Variants in FYCO1 observed in about 807,000 individuals in gnomAD.
FYCO1 encodes FYVE and coiled-coil domain autophagy adaptor 1.
Under a neutral mutation model 165.1 loss-of-function variants are expected in FYCO1, and 122 were observed. The ratio of observed to expected loss-of-function variants is 0.74; its 90% confidence interval spans 0.64 to 0.86. FYCO1 has a LOEUF of 0.86. FYCO1 is among the 40% of genes least tolerant of loss of function. The pLI, the probability that FYCO1 is intolerant of heterozygous loss-of-function variation, is 0.00. For missense variants in FYCO1, 1,702 were observed against 1,810.3 expected (o/e 0.94, Z 1.09); for synonymous variants, 648 against 742.5 (o/e 0.87, Z 2.07).
intron 14 of FYCO1, among the ~76,000 whole-genome samples, chr3:45,944,016 G>A (rs1240301784): frequency 6.6e-6 from 1 of 152,120 alleles, no homozygotes; most frequent in African/African-American, 2.4e-5. Context: ...TCCACCAGCT[G>A]GAGGCCAACT....
chr3:45,964,361 C>T lies in FYCO1; in HGVS notation c.3244G>A (p.Ala1082Thr), dbSNP rs777490184. The T allele has an allele frequency of 3.3e-5, 53 of 1,614,026 alleles. 1 individual carries two copies. Among genetic ancestry groups the T allele is most frequent in the Middle Eastern group, 3.3e-4 (2 of 6,062 alleles). ...AAMLRKDKEG[A>T]ALREDLERTQ... ...CTTTCTAGGTCTTCACGCAGGGCAGCCCCCTCCTTGTCCTTCCTCAGCATG... is the reference window on the plus strand; with the variant it reads ...CTTTCTAGGTCTTCACGCAGGGCAGTCCCCTCCTTGTCCTTCCTCAGCATG... The change falls in exon 10 of 18, where the codon GCT becomes ACT. Residue 1082 changes from alanine (A) to threonine (T), a missense_variant. By Grantham distance (58) the Ala-to-Thr change is moderately conservative (BLOSUM62 0). Coordinates refer to ENST00000296137, the MANE Select transcript of FYCO1 (RefSeq NM_024513.4). This position sits in a 1 kb window ranked among gnomAD's most constrained non-coding sequence, Gnocchi z 4.1.
At chr3:45,943,927 T>A (rs942835130) in intron 14 of FYCO1, among the ~76,000 whole-genome samples, 16 of 152,210 alleles carry the variant, frequency 1.1e-4, no homozygotes, top group Admixed American at 7.9e-4. Flanking sequence ...TTATGTTCTT[T>A]TTTCAATATA....
chr3:45,965,354 G>A (rs770137257), intron 8 of FYCO1, among the ~76,000 whole-genome samples: 2 of 152,238 alleles, frequency 1.3e-5, no homozygotes, highest in Non-Finnish European at 2.9e-5. Flanking sequence ...AAGGGAAAAA[G>A]TTGGCTATAA....
In FYCO1 at chr3:45,979,775, T is replaced by C. The variant is rs776716303; in HGVS notation, c.218A>G (p.Tyr73Cys). 4 of 1,613,856 alleles carry C rather than the reference T, an allele frequency of 2.5e-6. No individual in the cohort carries two copies. Among genetic ancestry groups the C allele is most frequent in the Non-Finnish European group, 3.4e-6 (4 of 1,179,742 alleles). The change falls in exon 4 of 18, where the codon TAC becomes TGC. Residue 73 changes from tyrosine (Y) to cysteine (C), a missense_variant. Tyr to Cys is a radical substitution (Grantham distance 194, BLOSUM62 -2). Coordinates refer to ENST00000296137, the MANE Select transcript of FYCO1 (RefSeq NM_024513.4). Reference protein sequence around the residue: ...LLGNKKDYWDYFCACLAKVKG... With the variant: ...LLGNKKDYWDCFCACLAKVKG... ...CACCTTGGCCAGGCAGGCACAGAAG[T>C]AATCCCAGTAGTCCTTCTTGTTGCC... is the stretch of plus-strand genomic sequence containing the variant.
At chr3:45,955,858 G>T (rs2125834668) in intron 13 of FYCO1, among the ~76,000 whole-genome samples, 1 of 152,228 alleles carries the variant, frequency 6.6e-6, no homozygotes, top group East Asian at 1.9e-4. Flanking sequence ...TGATGCGTGG[G>T]AAAGAACCTC....
chr3:45,968,531 C>T lies in FYCO1; in HGVS notation c.803G>A (p.Ser268Asn), dbSNP rs775608220. The change falls in exon 8 of 18, where the codon AGC becomes AAC. Residue 268 changes from serine to asparagine, a missense_variant. Physicochemically the swap from Ser to Asn is conservative, Grantham distance 46. Transcript: ENST00000296137. ...RENQELRAAV[S>N]QQGEQLQTER... ...TGTCTGCAGTTGCTCCCCTTGCTGG[C>T]TGACAGCTGCCCTCAGCTCCTGGTT... 3.7e-6 allele frequency: 6 copies of T among 1,614,028 alleles called. No homozygotes were observed. The South Asian group carries it at 6.6e-5, about 18-fold the overall frequency.
chr3:45,941,274 A>G (rs1229663660), intron 14 of FYCO1: 2 of 152,230 alleles, frequency 1.3e-5, no homozygotes, highest in Non-Finnish European at 2.9e-5. Context: ...CCTGGAACTG[A>G]TAACAGCTCT....
At chr3:45,988,155 C>A (rs1470183070) in intron 1 of FYCO1, among the ~76,000 whole-genome samples, 1 of 152,194 alleles carries the variant, frequency 6.6e-6, no homozygotes, top group Non-Finnish European at 1.5e-5. Context: ...GTGTGGTGGG[C>A]TTCCCCACTC....
chr3:45,942,964 C>G (rs1704322800), intron 14 of FYCO1, among the ~76,000 whole-genome samples: 1 of 152,158 alleles, frequency 6.6e-6, no homozygotes, highest in Admixed American at 6.5e-5. Flanking sequence ...CAGTTTCTAG[C>G]TGTGTGCACC....
At position 45,967,333 on chromosome 3, in the gene FYCO1, C is replaced by T. The variant is rs1454059413; in HGVS notation, c.2001G>A (p.Gln667=). Residue 667 remains glutamine, a synonymous_variant, in exon 8 of 18, where the codon CAG becomes CAA. Transcript: ENST00000296137. ...QGSLASLEAE[Q]ASIRHLGDQM... The stretch of plus-strand genomic sequence containing the variant: ...GGTCACCCAAGTGCCGGATGCTGGC[C>T]TGCTCGGCCTCCAGGGAGGCCAAGG... 2 of 1,610,734 alleles carry T rather than the reference C, an allele frequency of 1.2e-6. No individual in the cohort carries two copies. The highest frequency in any genetic ancestry group is 1.3e-5 in the African/African-American group (1 of 75,004).
intron 1 of FYCO1, among the ~76,000 whole-genome samples, chr3:45,990,109 G>A (rs528620054): frequency 2.0e-5 from 3 of 152,358 alleles, no homozygotes; most frequent in Admixed American, 6.5e-5. Flanking sequence ...CCTGACCGAA[G>A]TGTCAGGGGG....
intron 14 of FYCO1, chr3:45,946,394 G>T: frequency 8.3e-7 from 1 of 1,200,036 alleles, no homozygotes. Context: ...TGTGGTCAAT[G>T]GGATAGCAGG....
intron 1 of FYCO1, among the ~76,000 whole-genome samples, chr3:45,987,655 C>T (rs1404663837): frequency 2.6e-5 from 4 of 152,184 alleles, no homozygotes; most frequent in African/African-American, 2.4e-5. Context: ...TGGAGAAAGA[C>T]GACTGGAGTG....
rs769709204 is a variant in FYCO1, at chr3:45,966,721, C to T, written c.2613G>A (p.Arg871=). The stretch of plus-strand genomic sequence containing the variant: ...CCTGGGACAGCTCCTCCTGCAGGGC[C>T]CGCAGCTCCTCCTCCCTCTGCTGGG... ...DEAQQREEEL[R]ALQEELSQAK... Residue 871 remains arginine (R), a synonymous_variant, in exon 8 of 18, where the codon CGG becomes CGA. Transcript: ENST00000296137. 11 of 1,612,610 alleles carry T rather than the reference C, an allele frequency of 6.8e-6. No individual in the cohort carries two copies. In the East Asian group the frequency reaches 2.5e-4, roughly 36 times the overall value.
intron 14 of FYCO1, among the ~76,000 whole-genome samples, chr3:45,944,455 AT>A (rs1373954106): frequency 3.9e-5 from 6 of 152,196 alleles, no homozygotes; most frequent in Non-Finnish European, 8.8e-5. Flanking sequence ...ATTTAAGTAT[AT>A]TCTATTTTAT....
chr3:45,995,372 C>G (rs1707757480), intron 1 of FYCO1, among the ~76,000 whole-genome samples: 2 of 152,238 alleles, frequency 1.3e-5, no homozygotes, highest in South Asian at 4.1e-4. Flanking sequence ...GGGGCCTGCC[C>G]CATCCTGCGC....
intron 1 of FYCO1, among the ~76,000 whole-genome samples, chr3:45,991,910 T>C (rs572833953): frequency 2.4e-4 from 36 of 152,150 alleles, no homozygotes; most frequent in African/African-American, 1.4e-4. Context: ...CCAAATCCAA[T>C]TGGAACTGGT....
Position 45,931,178 on chromosome 3 carries a change from C to A in FYCO1, c.4144G>T (p.Ala1382Ser), listed in dbSNP as rs757115902. 5 of 1,614,106 alleles carry A rather than the reference C, an allele frequency of 3.1e-6. No homozygotes were observed. Among genetic ancestry groups the A allele is most frequent in the Non-Finnish European group, 4.2e-6 (5 of 1,179,968 alleles). The part of the protein sequence containing the change: ...STYSLIPITV[A>S]EAGLTISWVF... The stretch of plus-strand genomic sequence containing the variant: ...CAGCTGATGGTGAGGCCTGCCTCGG[C>A]CACAGTGATGGGGATCAGGCTGTAG... The change falls in exon 16 of 18, where the codon GCC (alanine) becomes TCC (serine). Residue 1382 changes from alanine to serine, a missense_variant. Ala to Ser is a moderately conservative substitution (Grantham distance 99). Coordinates refer to ENST00000296137, the MANE Select transcript of FYCO1 (RefSeq NM_024513.4).
At chr3:45,926,962 CA>C (rs35424488) in intron 16 of FYCO1, among the ~76,000 whole-genome samples, 100,885 of 133,430 alleles carry the variant, frequency 0.76, 37,265 homozygotes, top group East Asian at 0.95. Flanking sequence ...GAAACTGTCT[CA>C]AAAAAAAAAA....
Sources: gnomAD v4.1 joint callset for allele counts (sites outside exome capture counted in the v4.1 genomes callset) on GRCh38, gnomAD v4.1.1 for gene constraint, Gnocchi (gnomAD v3.1) non-coding constraint, MANE v1.5 for transcripts, NCBI Gene and HGNC (gene_info 2026-07-23, HGNC 2026-07-21) for gene names.